SLC45A2: variants seen among roughly 807,000 people sequenced by gnomAD.
SLC45A2 encodes the protein membrane-associated transporter protein.
Under a neutral mutation model 45.5 loss-of-function variants are expected in SLC45A2, and 36 were observed. The observed-to-expected ratio is 0.79, with a 90% CI of 0.61 to 1.04. The LOEUF (loss-of-function observed/expected upper bound fraction) is 1.04, where lower values mean the gene tolerates loss of function less well. Among genes scored for constraint, SLC45A2 ranks in the 50% least tolerant of loss-of-function variants. The probability of loss-of-function intolerance (pLI) is 0.00; values close to 1 mark genes in which losing one functional copy is unlikely to be tolerated. For missense variants in SLC45A2, 719 were observed against 671.0 expected (o/e 1.07, Z -0.79); for synonymous variants, 306 against 269.3 (o/e 1.14, Z -1.33).
rs1259041586 is a variant in SLC45A2, at chr5:33,954,483, T to G, written c.910A>C (p.Lys304Gln). The G allele has an allele frequency of 6.2e-7, 1 of 1,613,826 alleles. No homozygotes were observed. The highest frequency in any genetic ancestry group is 1.3e-5 in the African/African-American group (1 of 74,902). ...AEQTRRAMTL[K>Q]SLLRALVNMP... ...TTCACCAGTGCTCTCAGCAGTGACT[T>G]TAATGTCATTGCCCTGCGAGTCTGA... Residue 304 changes from lysine to glutamine, a missense_variant, in exon 4 of 7, where the codon AAG becomes CAG. Physicochemically the swap from Lys to Gln is moderately conservative, Grantham distance 53. Transcript: ENST00000296589.
intron 6 of SLC45A2, among the ~76,000 whole-genome samples, chr5:33,945,397 G>A (rs1751888470): frequency 6.6e-6 from 1 of 152,198 alleles, no homozygotes; most frequent in African/African-American, 2.4e-5. Flanking sequence ...GTCCTTAAGA[G>A]AAGCAACTTT....
At chr5:33,966,951 A>C (rs191722377) in intron 2 of SLC45A2, among the ~76,000 whole-genome samples, 20 of 152,300 alleles carry the variant, frequency 1.3e-4, no homozygotes, top group Admixed American at 1.1e-3. Context: ...GCTCTTGGGC[A>C]CTTCTCTGAG....
In SLC45A2 at chr5:33,963,839, T is replaced by C. The variant is rs1420410793; in HGVS notation, c.740A>G (p.Lys247Arg). ...ISEAPLTEVA[K>R]GIPPQQTPQD... ...AGGGGTTTGCTGTGGGGGAATGCCC[T>C]TTGCAACCTCTGTAAGTGGGGCTTC... is the stretch of plus-strand genomic sequence containing the variant. Residue 247 changes from lysine (K) to arginine (R), a missense_variant, in exon 3 of 7, where the codon AAG (lysine) becomes AGG (arginine). Physicochemically the swap from Lys to Arg is conservative, Grantham distance 26 (BLOSUM62 2). Coordinates refer to ENST00000296589, the MANE Select transcript of SLC45A2 (RefSeq NM_016180.5). 1.2e-6 allele frequency: 2 copies of C among 1,614,014 alleles called. No homozygotes were observed. The highest frequency in any genetic ancestry group is 2.7e-5 in the African/African-American group (2 of 74,928).
At chr5:33,946,626 T>A (rs934532584) in intron 6 of SLC45A2, 52 of 1,008,834 alleles carry the variant, frequency 5.2e-5, no homozygotes, top group Middle Eastern at 1.0e-3. Flanking sequence ...TTACCACCCA[T>A]GATTCCAGCT....
rs557153536 is a variant in SLC45A2, at chr5:33,982,665, G to A, written c.386-253C>T. The stretch of plus-strand genomic sequence containing the variant: ...GCTGGTGCATAGGGGAAAAGTGGAC[G>A]TGACTATTGATGGTAATGGGTTTAT... On this transcript the variant is annotated intron_variant, in intron 1 of 6. Coordinates refer to ENST00000296589, the MANE Select transcript of SLC45A2 (RefSeq NM_016180.5). Among the ~76,000 whole-genome samples, 5 of 152,254 alleles carry A rather than the reference G, an allele frequency of 3.3e-5. No individual in the cohort carries two copies. The South Asian group carries it at 1.0e-3, about 32-fold the overall frequency.
chr5:33,955,471 A>C (rs558898587), intron 3 of SLC45A2, among the ~76,000 whole-genome samples: 8 of 152,244 alleles, frequency 5.3e-5, no homozygotes, highest in African/African-American at 1.9e-4. Context: ...AGTTTGTGAA[A>C]ATTTTTTATT....
At chr5:33,960,660 T>C (rs1218395626) in intron 3 of SLC45A2, among the ~76,000 whole-genome samples, 1 of 152,134 alleles carries the variant, frequency 6.6e-6, no homozygotes, top group Non-Finnish European at 1.5e-5. Context: ...GGGTGCAGTG[T>C]GTACTGCTCA....
intron 3 of SLC45A2, among the ~76,000 whole-genome samples, chr5:33,957,462 T>C (rs1752308917): frequency 6.6e-6 from 1 of 152,198 alleles, no homozygotes; most frequent in Non-Finnish European, 1.5e-5. Context: ...TTCATCAGTC[T>C]TGCAGTATCT....
intron 3 of SLC45A2, 22 bp from the exon 4 acceptor site, chr5:33,954,526 A>G: frequency 2.5e-6 from 4 of 1,612,944 alleles, no homozygotes; most frequent in Non-Finnish European, 3.4e-6. Context: ...CATGAAACAG[A>G]GGTGTGATCT....
intron 2 of SLC45A2, among the ~76,000 whole-genome samples, chr5:33,977,613 C>T (rs1043625058): frequency 6.6e-6 from 1 of 152,102 alleles, no homozygotes; most frequent in Non-Finnish European, 1.5e-5. Flanking sequence ...AGACCCAGAA[C>T]CTGAAGAAGG....
At chr5:33,965,073 T>A (rs889410180) in intron 2 of SLC45A2, among the ~76,000 whole-genome samples, 2 of 152,196 alleles carry the variant, frequency 1.3e-5, no homozygotes, top group African/African-American at 4.8e-5. Flanking sequence ...TCTTTAAACG[T>A]CAAACTCCCA....
In SLC45A2 at chr5:33,968,922, G is replaced by A. The variant is rs546323007; in HGVS notation, c.563-4906C>T. Among the ~76,000 whole-genome samples, 13 of 152,188 alleles carry A rather than the reference G, an allele frequency of 8.5e-5. No homozygotes were observed. In the South Asian group the frequency reaches 2.5e-3, roughly 29 times the overall value. Reference sequence around the variant, plus strand: ...TTCCCATGGGGTTCATGAGAAAGTCGTTCTGATTCTTTTCTACATGTTGAA... The same window carrying A: ...TTCCCATGGGGTTCATGAGAAAGTCATTCTGATTCTTTTCTACATGTTGAA... On this transcript the variant is annotated intron_variant, in intron 2 of 6. Coordinates refer to ENST00000296589, the MANE Select transcript of SLC45A2 (RefSeq NM_016180.5).
At chr5:33,977,628 G>T (rs1303233565) in intron 2 of SLC45A2, among the ~76,000 whole-genome samples, 1 of 152,208 alleles carries the variant, frequency 6.6e-6, no homozygotes, top group Admixed American at 6.5e-5. Context: ...AGAAGGAAGG[G>T]CTGGCTCCTT....
In SLC45A2 at chr5:33,947,232, T is replaced by G. The variant is rs751075199; in HGVS notation, c.1299A>C (p.Val433=). The change falls in exon 6 of 7, where the codon GTA becomes GTC. Residue 433 remains valine, a synonymous_variant. Transcript: ENST00000296589. ...GCACAGTGTACAGGGTGCTGGACAT[T>G]ACACCAAACAGGCTGCACAGGACCA... ...STLVLCSLFG[V]MSSTLYTVPF... 1.2e-6 allele frequency: 2 copies of G among 1,614,178 alleles called. No individual in the cohort carries two copies. The highest frequency in any genetic ancestry group is 2.2e-5 in the South Asian group (2 of 91,080).
intron 2 of SLC45A2, among the ~76,000 whole-genome samples, chr5:33,979,105 G>C (rs1224430722): frequency 6.6e-6 from 1 of 152,234 alleles, no homozygotes; most frequent in Non-Finnish European, 1.5e-5. Flanking sequence ...ACCATGGCCT[G>C]TGACGCAGCT....
intron 3 of SLC45A2, among the ~76,000 whole-genome samples, chr5:33,959,699 G>A (rs574442528): frequency 8.5e-5 from 13 of 152,292 alleles, no homozygotes; most frequent in Middle Eastern, 3.4e-3. Context: ...AGGTTGATGC[G>A]CTGTGGCAAC....
chr5:33,983,002 G>A (rs1331181234), intron 1 of SLC45A2, among the ~76,000 whole-genome samples: 1 of 152,118 alleles, frequency 6.6e-6, no homozygotes, highest in Admixed American at 6.5e-5. Flanking sequence ...TTGAACTATC[G>A]CTTGTATGTC....
chr5:33,944,988 TATA>T (rs1751880753), intron 6 of SLC45A2, 116 bp from the exon 7 acceptor site: 1 of 943,674 alleles, frequency 1.1e-6, no homozygotes, highest in Admixed American at 2.0e-5. Flanking sequence ...CTTCGTGGAT[TATA>T]CAGCCCTGGT....
chr5:33,969,605 C>T lies in SLC45A2; in HGVS notation c.563-5589G>A, dbSNP rs193036909. On this transcript the variant is annotated intron_variant, in intron 2 of 6. Coordinates refer to ENST00000296589, the MANE Select transcript of SLC45A2 (RefSeq NM_016180.5). ...CAGAGTTCCGAAAGCCCTTAGGCTG[C>T]GAAGGCATCGAGAGTAGATTCATTA... 2.2e-4 allele frequency among the ~76,000 whole-genome samples: 33 copies of T among 152,228 alleles called. No individual in the cohort carries two copies. The East Asian group carries it at 2.9e-3, about 13-fold the overall frequency.
Sources: allele counts gnomAD v4.1 joint callset (sites outside exome capture counted in the v4.1 genomes callset), GRCh38; gene constraint gnomAD v4.1.1; transcripts MANE v1.5; gene names NCBI Gene and HGNC (gene_info 2026-07-23, HGNC 2026-07-21).